The following ADAM18 variants were observed in gnomAD, a reference collection of about 807,000 sequenced individuals.
ADAM18 encodes disintegrin and metalloproteinase domain-containing protein 18.
A neutral mutation model predicts 94.4 loss-of-function variants in ADAM18; 117 were observed. That is an observed-to-expected ratio of 1.24 (90% CI 1.07 to 1.45). The LOEUF (loss-of-function observed/expected upper bound fraction) is 1.45. Ranked by LOEUF, ADAM18 falls within the 40% of genes most tolerant of loss-of-function variation. The probability of loss-of-function intolerance (pLI) is 0.00; values close to 1 mark genes in which losing one functional copy is unlikely to be tolerated. For missense variants in ADAM18, 936 were observed against 880.0 expected (o/e 1.06, Z -0.81); for synonymous variants, 327 against 291.6 (o/e 1.12, Z -1.24).
intron 7 of ADAM18, among the ~76,000 whole-genome samples, chr8:39,629,681 GCTTC>G (rs1405527347): frequency 7.0e-6 from 1 of 141,988 alleles, no homozygotes; most frequent in Non-Finnish European, 1.5e-5. Flanking sequence ...TTCTTTCCTT[GCTTC>G]CTTCCTTCCT....
chr8:39,626,356 A>C (rs1221093237), intron 6 of ADAM18, among the ~76,000 whole-genome samples: 1 of 152,008 alleles, frequency 6.6e-6, no homozygotes, highest in African/African-American at 2.4e-5. Flanking sequence ...CAAAGAACCA[A>C]GTTTTCATTT....
In ADAM18 at chr8:39,603,500, G is replaced by A. The variant is rs1188747421; in HGVS notation, c.133-2807G>A. ...TAGCAATAAATCATTTTTTAACTAA[G>A]GTTGAACATTTATAGACATAATTTG... On this transcript the variant is annotated intron_variant, in intron 2 of 19. Coordinates refer to ENST00000265707, the MANE Select transcript of ADAM18 (RefSeq NM_014237.3). Among the ~76,000 whole-genome samples, 3 of 152,066 alleles carry A rather than the reference G, an allele frequency of 2.0e-5. No individual in the cohort carries two copies. The East Asian group carries it at 5.8e-4, about 29-fold the overall frequency.
Position 39,693,568 on chromosome 8 carries a change from CTT to C in ADAM18, c.1902+889_1902+890del, listed in dbSNP as rs993453931. Reference sequence around the variant, plus strand: ...CTTTATACATATCTGATATGTGTAACTTATATACATTTTTATACATTATCAAT... The same window carrying C: ...CTTTATACATATCTGATATGTGTAACATATACATTTTTATACATTATCAAT... On this transcript the variant is annotated intron_variant, in intron 17 of 19. Transcript: ENST00000265707. Among the ~76,000 whole-genome samples, 80 of 151,066 alleles carry C rather than the reference CTT, an allele frequency of 5.3e-4. 1 individual carries two copies. The highest frequency in any genetic ancestry group is 1.8e-3 in the African/African-American group (75 of 41,414).
rs1821811574 is a variant in ADAM18 at position 39,692,560 on chromosome 8, A to G, written c.1822-40A>G. 3.1e-6 allele frequency: 4 copies of G among 1,298,310 alleles called. No individual in the cohort carries two copies. In the East Asian group the frequency reaches 9.7e-5, roughly 32 times the overall value. The allele number at this position is 1,298,310 out of a possible 1,614,324, so 80.4% of individuals were successfully genotyped here. A position where few individuals can be genotyped will look rare whatever the true frequency, so the allele number is the denominator to read the frequency against. On this transcript the variant is annotated intron_variant, in intron 16 of 19. Transcript: ENST00000265707. The stretch of plus-strand genomic sequence containing the variant: ...TTAATGTTTTTTCTTGTTTTATATG[A>G]CATTTGTGAATTGTAAAATTTTTGT...
At chr8:39,651,387 G>A (rs1820531086) in intron 12 of ADAM18, among the ~76,000 whole-genome samples, 1 of 152,132 alleles carries the variant, frequency 6.6e-6, no homozygotes, top group Admixed American at 6.5e-5. Context: ...GCCTTCCCAC[G>A]AGGCCATATT....
At chr8:39,621,911 T>C (rs1362942085) in intron 6 of ADAM18, among the ~76,000 whole-genome samples, 4 of 152,048 alleles carry the variant, frequency 2.6e-5, no homozygotes, top group African/African-American at 9.7e-5. Flanking sequence ...CAACACACAC[T>C]GGGTTCTGTC....
At chr8:39,649,477 C>T (rs563349581) in intron 12 of ADAM18, among the ~76,000 whole-genome samples, 1 of 152,086 alleles carries the variant, frequency 6.6e-6, no homozygotes, top group Non-Finnish European at 1.5e-5. Flanking sequence ...TCTCCTACCC[C>T]TAAATATGGT....
intron 15 of ADAM18, among the ~76,000 whole-genome samples, 170 bp from the exon 16 acceptor site, chr8:39,679,867 T>G (rs999284209): frequency 1.3e-5 from 2 of 152,238 alleles, no homozygotes; most frequent in Non-Finnish European, 2.9e-5. Flanking sequence ...AATTCTGCTA[T>G]TAAGACAGTT....
intron 2 of ADAM18, among the ~76,000 whole-genome samples, chr8:39,591,165 G>A (rs1261430229): frequency 6.6e-6 from 1 of 152,106 alleles, no homozygotes; most frequent in African/African-American, 2.4e-5. Flanking sequence ...TTACAATCAG[G>A]CCTTGTCTGA....
intron 12 of ADAM18, among the ~76,000 whole-genome samples, chr8:39,652,228 C>T (rs909454535): frequency 6.6e-6 from 1 of 151,822 alleles, no homozygotes; most frequent in African/African-American, 2.4e-5. Context: ...AGCTTCTACA[C>T]AACAAAGGAA....
At chr8:39,637,181 AT>A (rs1401474691) in intron 7 of ADAM18, 82 bp from the exon 8 acceptor site, 8 of 1,063,360 alleles carry the variant, frequency 7.5e-6, no homozygotes, top group Non-Finnish European at 1.1e-5. Context: ...ATTACTTATA[AT>A]ATCTAATACA....
chr8:39,711,054 C>T (rs1427857631), intron 18 of ADAM18, among the ~76,000 whole-genome samples: 3 of 152,114 alleles, frequency 2.0e-5, no homozygotes, highest in Non-Finnish European at 4.4e-5. Flanking sequence ...TTTGTTTGTG[C>T]TTGTTTCCTT....
intron 6 of ADAM18, among the ~76,000 whole-genome samples, chr8:39,628,430 T>C (rs1819835093): frequency 2.0e-5 from 3 of 149,390 alleles, no homozygotes; most frequent in Admixed American, 2.0e-4. Context: ...GATAGATAGA[T>C]AGATAGATAG....
intron 18 of ADAM18, among the ~76,000 whole-genome samples, chr8:39,709,201 G>A (rs1822325795): frequency 6.6e-6 from 1 of 152,164 alleles, no homozygotes; most frequent in South Asian, 2.1e-4. Context: ...GTGGGAAGGG[G>A]AGCCGAAAAG....
At chr8:39,723,170 AT>A (rs1822807489) in intron 18 of ADAM18, among the ~76,000 whole-genome samples, 2 of 139,274 alleles carry the variant, frequency 1.4e-5, no homozygotes, top group Non-Finnish European at 3.1e-5. Context: ...CTTTTTAAGT[AT>A]TAAAAAAACA....
chr8:39,691,169 A>G (rs1821765931), intron 16 of ADAM18, among the ~76,000 whole-genome samples: 1 of 152,148 alleles, frequency 6.6e-6, no homozygotes, highest in South Asian at 2.1e-4. Flanking sequence ...CTTGTTTTAT[A>G]TGAAACAAGA....
rs573886442 is a variant in ADAM18, at chr8:39,721,084, A to G, written c.2018-2664A>G. On this transcript the variant is annotated intron_variant, in intron 18 of 19. Transcript: ENST00000265707. ...TAAGCAACAACATCTGTGAATTTCAAAAGTCAGTAATAATGAACAAAGTCA... is the reference window on the plus strand; with the variant it reads ...TAAGCAACAACATCTGTGAATTTCAGAAGTCAGTAATAATGAACAAAGTCA... Among the ~76,000 whole-genome samples, 142 of 151,604 alleles carry G rather than the reference A, an allele frequency of 9.4e-4. 2 individuals carry two copies. The highest frequency in any genetic ancestry group is 3.2e-3 in the African/African-American group (131 of 41,514).
intron 2 of ADAM18, among the ~76,000 whole-genome samples, chr8:39,598,176 C>A (rs1444826095): frequency 6.6e-6 from 1 of 151,944 alleles, no homozygotes; most frequent in African/African-American, 2.4e-5. Context: ...TTCATCAATC[C>A]TCTCAGAATT....
At chr8:39,619,335 G>A (rs1819539015) in intron 6 of ADAM18, among the ~76,000 whole-genome samples, 1 of 152,166 alleles carries the variant, frequency 6.6e-6, no homozygotes, top group African/African-American at 2.4e-5. Context: ...GACATTTACA[G>A]GAGATCTGAT....
Sources: gnomAD v4.1 joint callset for allele counts (sites outside exome capture counted in the v4.1 genomes callset) on GRCh38, gnomAD v4.1.1 for gene constraint, MANE v1.5 for transcripts, NCBI Gene and HGNC (gene_info 2026-07-23, HGNC 2026-07-21) for gene names.